The following CRHR2 variants were observed in gnomAD, a reference collection of about 807,000 sequenced individuals.
CRHR2 encodes corticotropin releasing hormone receptor 2, also known as corticotropin-releasing hormone receptor 2.
In CRHR2, 53 loss-of-function variants were observed where a neutral mutation model predicts 57.9. The ratio of observed to expected loss-of-function variants is 0.92; its 90% CI spans 0.73 to 1.15. CRHR2 has a LOEUF of 1.15. Among genes scored for constraint, CRHR2 ranks in the 50% most tolerant of loss-of-function variants. The probability of loss-of-function intolerance (pLI) is 0.00; values close to 1 mark genes in which losing one functional copy is unlikely to be tolerated. For synonymous variants in CRHR2, 213 were observed against 220.9 expected, an observed-to-expected ratio of 0.96 and a Z score of 0.32; for missense variants, 532 against 542.6, an observed-to-expected ratio of 0.98 and a Z score of 0.19.
chr7:30,654,928 G>A, intron 11 of CRHR2, 111 bp downstream of exon 11: 1 of 1,556,058 alleles, frequency 6.4e-7, no homozygotes, highest in Non-Finnish European at 8.7e-7. Flanking sequence ...GTATCTCAAG[G>A]CTTCCTCTCC....
At chr7:30,687,278 C>T (rs919269468), upstream of CRHR2, among the ~76,000 whole-genome samples, 3 of 152,070 alleles carry the variant, frequency 2.0e-5, no homozygotes, top group South Asian at 2.1e-4. Flanking sequence ...ATCCACCATC[C>T]GGTCATGGTT....
intron 2 of CRHR2, among the ~76,000 whole-genome samples, chr7:30,675,778 C>G (rs747666039): frequency 2.6e-5 from 4 of 152,228 alleles, no homozygotes; most frequent in Non-Finnish European, 5.9e-5. Flanking sequence ...GAGCCTATAT[C>G]AAAAAGTTCT....
At chr7:30,697,436 C>G (rs1584148346) in intron 1 of CRHR2, among the ~76,000 whole-genome samples, 1 of 152,238 alleles carries the variant, frequency 6.6e-6, no homozygotes, top group East Asian at 1.9e-4. Flanking sequence ...ATAAGTGGTC[C>G]CACCTTCCCG....
chr7:30,657,478 A>G (rs1783832522), intron 8 of CRHR2, among the ~76,000 whole-genome samples: 1 of 152,206 alleles, frequency 6.6e-6, no homozygotes, highest in South Asian at 2.1e-4. Flanking sequence ...ATTCCCCTGG[A>G]TCATGGGACA....
rs1157234505 is a variant in CRHR2 at position 30,656,166 on chromosome 7, A to C, written c.832-154T>G. 6.6e-6 allele frequency among the ~76,000 whole-genome samples: 1 copy of C among 151,888 alleles called. No homozygotes were observed. Among genetic ancestry groups the C allele is most frequent in the East Asian group, 1.9e-4 (1 of 5,152 alleles). The stretch of plus-strand genomic sequence containing the variant: ...TCCCCCTAGCACCTGCCAGCATCCC[A>C]AGGCCTGTGCTCCTCCCTCGCCAGG... On this transcript the variant is annotated intron_variant, in intron 8 of 11. Coordinates refer to ENST00000471646, the MANE Select transcript of CRHR2 (RefSeq NM_001883.5). The surrounding 1 kb of genome is among the most constrained non-coding windows in gnomAD (Gnocchi z 4.4).
chr7:30,656,121 G>T lies in CRHR2; in HGVS notation c.832-109C>A. On this transcript the variant is annotated intron_variant, in intron 8 of 11. Transcript: ENST00000471646. This position sits in a 1 kb window ranked among gnomAD's most constrained non-coding sequence, Gnocchi z 4.4. ...AGACCCCTGGAAACCGATGTCCCACGCACACACCTATCCTACCTGTCCCCC... is the reference window on the plus strand; with the variant it reads ...AGACCCCTGGAAACCGATGTCCCACTCACACACCTATCCTACCTGTCCCCC... The T allele has an allele frequency of 1.1e-6, 1 of 950,326 alleles. No individual in the cohort carries two copies. Among genetic ancestry groups the T allele is most frequent in the Non-Finnish European group, 1.7e-6 (1 of 601,110 alleles). The allele number at this position is 950,326 out of a possible 1,614,324, so 58.9% of individuals were successfully genotyped here. A position where few individuals can be genotyped will look rare whatever the true frequency, so the allele number is the denominator to read the frequency against.
At chr7:30,685,298 T>C (rs1333365736), upstream of CRHR2, among the ~76,000 whole-genome samples, 1 of 152,198 alleles carries the variant, frequency 6.6e-6, no homozygotes, top group Non-Finnish European at 1.5e-5. Context: ...GCCACAGTTA[T>C]GCATCTTCAC....
chr7:30,684,308 A>G (rs944608515), upstream of CRHR2, among the ~76,000 whole-genome samples: 1 of 152,236 alleles, frequency 6.6e-6, no homozygotes, highest in East Asian at 1.9e-4. Flanking sequence ...AGTGTCCCTC[A>G]TATACAAGGG....
chr7:30,676,838 G>A (rs1357052105), intron 2 of CRHR2, among the ~76,000 whole-genome samples: 1 of 152,230 alleles, frequency 6.6e-6, no homozygotes, highest in Non-Finnish European at 1.5e-5. Flanking sequence ...TCTAGAATGG[G>A]GTTCTGGGAA....
At chr7:30,662,367 A>G (rs1215436763) in intron 6 of CRHR2, 151 bp from the exon 7 acceptor site, 1 of 891,316 alleles carries the variant, frequency 1.1e-6, no homozygotes, top group Non-Finnish European at 1.8e-6. Flanking sequence ...CTGTCCCTCA[A>G]CACCTGGCCC....
Position 30,662,158 on chromosome 7 carries a change from T to G in CRHR2, c.756A>C (p.Glu252Asp). Residue 252 changes from glutamate (E) to aspartate (D), a missense_variant and splice_region_variant, in exon 7 of 12, where the codon GAA becomes GAC. By Grantham distance (45) the Glu-to-Asp change is conservative (BLOSUM62 2). Transcript: ENST00000471646. ...CCATGGCTGGCCCATCCACTTACTG[T>G]TCATTCTCATAGTAGAGCTTGCCGA... The part of the protein sequence containing the change: ...WAIGKLYYEN[E>D]QCWFGKEPGD... 1 of 1,614,004 alleles carries G rather than the reference T, an allele frequency of 6.2e-7. No homozygotes were observed.
chr7:30,657,465 C>T lies in CRHR2; in HGVS notation c.832-1453G>A, dbSNP rs541120494. On this transcript the variant is annotated intron_variant, in intron 8 of 11. Coordinates refer to ENST00000471646, the MANE Select transcript of CRHR2 (RefSeq NM_001883.5). ...TAATTTCCAGCTCCTGGGTCTCTGG[C>T]ATATTCCCCTGGATCATGGGACACA... Among the ~76,000 whole-genome samples, 7 of 152,326 alleles carry T rather than the reference C, an allele frequency of 4.6e-5. No homozygotes were observed. In the South Asian group the frequency reaches 1.4e-3, roughly 32 times the overall value.
Position 30,653,732 on chromosome 7 carries a change from C to T in CRHR2, c.1096-132G>A. The T allele has an allele frequency of 8.8e-7, 1 of 1,138,946 alleles. No homozygotes were observed. The highest frequency in any genetic ancestry group is 1.6e-5 in the South Asian group (1 of 61,126). The allele number at this position is 1,138,946 out of a possible 1,614,324, so 70.6% of individuals were successfully genotyped here. ...GACAAGGAACTGTCTGCTTCCAAAA[C>T]AGGTCCTTCCCTGATGCTGTTGCCT... On this transcript the variant is annotated intron_variant, in intron 11 of 11. Coordinates refer to ENST00000471646, the MANE Select transcript of CRHR2 (RefSeq NM_001883.5). This position sits in a 1 kb window ranked among gnomAD's most constrained non-coding sequence, Gnocchi z 5.0.
intron 2 of CRHR2, among the ~76,000 whole-genome samples, chr7:30,667,782 T>G (rs527918351): frequency 1.3e-5 from 2 of 152,364 alleles, no homozygotes; most frequent in South Asian, 4.1e-4. Flanking sequence ...CTAACTGCTA[T>G]GGATATACAT....
chr7:30,684,334 G>T (rs1413647493), upstream of CRHR2, among the ~76,000 whole-genome samples: 1 of 152,214 alleles, frequency 6.6e-6, no homozygotes, highest in African/African-American at 2.4e-5. Context: ...CCTTCACACA[G>T]CACGGTGCAG....
intron 11 of CRHR2, chr7:30,654,790 C>G (rs761527526): frequency 6.5e-7 from 1 of 1,537,488 alleles, no homozygotes; most frequent in South Asian, 1.2e-5. Context: ...GCGGCCTGGG[C>G]TTCCTTGCTC....
intron 2 of CRHR2, among the ~76,000 whole-genome samples, chr7:30,668,965 G>A (rs1289509905): frequency 1.3e-5 from 2 of 152,182 alleles, no homozygotes; most frequent in Admixed American, 6.5e-5. Context: ...ACCAACATTC[G>A]TGCTCATGAA....
intron 1 of CRHR2, among the ~76,000 whole-genome samples, chr7:30,697,570 C>G (rs1785082610): frequency 6.6e-6 from 1 of 152,072 alleles, no homozygotes; most frequent in African/African-American, 2.4e-5. Flanking sequence ...GTGGGTTCCT[C>G]CAGGCTCTCA....
chr7:30,654,899 G>T, intron 11 of CRHR2, 140 bp downstream of exon 11: 1 of 1,551,410 alleles, frequency 6.4e-7, no homozygotes, highest in Non-Finnish European at 8.7e-7. Context: ...AAGGATTCCT[G>T]TTCCCCTAAG....
Sources: allele counts gnomAD v4.1 joint callset (sites outside exome capture counted in the v4.1 genomes callset), GRCh38; gene constraint gnomAD v4.1.1; non-coding constraint Gnocchi (gnomAD v3.1); transcripts MANE v1.5; gene names NCBI Gene and HGNC (gene_info 2026-07-23, HGNC 2026-07-21).